Variants in CYP19A1 observed in about 807,000 individuals in gnomAD.
CYP19A1 encodes cytochrome P450 family 19 subfamily A member 1, also known as aromatase.
A neutral mutation model predicts 44.4 loss-of-function variants in CYP19A1; 32 were observed. That is an observed-to-expected ratio of 0.72 (90% CI 0.54 to 0.97). The LOEUF (loss-of-function observed/expected upper bound fraction) is 0.97, where lower values mean the gene tolerates loss of function less well. CYP19A1 is among the 50% of genes least tolerant of loss of function. The pLI, the probability that CYP19A1 is intolerant of heterozygous loss-of-function variation, is 0.00. For missense variants in CYP19A1, 598 were observed against 637.8 expected (o/e 0.94, Z 0.67); for synonymous variants, 212 against 215.6 (o/e 0.98, Z 0.14).
chr15:51,227,183 C>A (rs1227073569), intron 4 of CYP19A1, among the ~76,000 whole-genome samples: 1 of 152,070 alleles, frequency 6.6e-6, no homozygotes, highest in Non-Finnish European at 1.5e-5. Context: ...GGCTTCAGGG[C>A]TATATTCCGG....
intron 1 of CYP19A1, among the ~76,000 whole-genome samples, chr15:51,333,502 C>T (rs1000559437): frequency 2.0e-5 from 3 of 152,198 alleles, no homozygotes; most frequent in Non-Finnish European, 4.4e-5. Context: ...CATGTGTTTA[C>T]TCATACAGCT....
intron 1 of CYP19A1, among the ~76,000 whole-genome samples, chr15:51,305,643 C>G (rs1468385614): frequency 1.3e-5 from 2 of 152,170 alleles, no homozygotes; most frequent in Admixed American, 6.5e-5. Flanking sequence ...TTACTGCAAC[C>G]TCTGCCTCCT....
chr15:51,300,724 C>T (rs1002215608), intron 1 of CYP19A1, among the ~76,000 whole-genome samples: 2 of 152,204 alleles, frequency 1.3e-5, no homozygotes, highest in African/African-American at 2.4e-5. Flanking sequence ...ACAGCAAACA[C>T]GCTTGCCCCC....
rs982788089 is a variant in CYP19A1, at chr15:51,222,658, A to T, written c.452-133T>A. On this transcript the variant is annotated intron_variant, in intron 4 of 9. Coordinates refer to ENST00000396402, the MANE Select transcript of CYP19A1 (RefSeq NM_000103.4). The stretch of plus-strand genomic sequence containing the variant: ...TTAATAATTGGGTGGAAGTTTTCAT[A>T]ATATTTTCGTATGCTTTTCTGTGGT... The T allele has an allele frequency of 3.1e-5, 23 of 751,022 alleles. No individual in the cohort carries two copies. The Admixed American group carries it at 4.3e-4, about 14-fold the overall frequency. 46.5% of individuals were successfully genotyped at this position (751,022 alleles called of 1,614,324 possible).
chr15:51,334,685 C>T lies in CYP19A1; in HGVS notation c.-39+3810G>A, dbSNP rs117427422. Among the ~76,000 whole-genome samples the T allele has an allele frequency of 4.9e-4, 75 of 152,330 alleles. 1 individual carries two copies. In the East Asian group the frequency reaches 0.014, roughly 28 times the overall value. On this transcript the variant is annotated intron_variant, in intron 1 of 9. Transcript: ENST00000396402. ...AAAGATTTCTTTCTACAGCCTGTCA[C>T]GGTTACAATTTAAAGCCTACTAATG...
chr15:51,266,075 C>T (rs146688801), intron 1 of CYP19A1, among the ~76,000 whole-genome samples: 22 of 152,308 alleles, frequency 1.4e-4, no homozygotes, highest in Non-Finnish European at 3.1e-4. Flanking sequence ...CCCAAAGTCT[C>T]CCCAGCTGTG....
chr15:51,316,715 T>TAA (rs112693981), intron 1 of CYP19A1, among the ~76,000 whole-genome samples: 5 of 140,224 alleles, frequency 3.6e-5, no homozygotes, highest in African/African-American at 1.0e-4. Context: ...CTCTGTCTCT[T>TAA]AAAAAAAAAA....
Position 51,272,401 on chromosome 15 carries a change from AG to A in CYP19A1, c.-38-29452del, listed in dbSNP as rs532557043. 8.5e-5 allele frequency among the ~76,000 whole-genome samples: 13 copies of A among 152,356 alleles called. No homozygotes were observed. In the East Asian group the frequency reaches 2.5e-3, roughly 29 times the overall value. The stretch of plus-strand genomic sequence containing the variant: ...TAGCACCAGCATCTAGACCAGTGCC[AG>A]GTACATCGTTTGAGTGCAATAAAAT... On this transcript the variant is annotated intron_variant, in intron 1 of 9. Coordinates refer to ENST00000396402, the MANE Select transcript of CYP19A1 (RefSeq NM_000103.4).
intron 1 of CYP19A1, among the ~76,000 whole-genome samples, chr15:51,251,107 C>T (rs988069262): frequency 6.6e-6 from 1 of 152,174 alleles, no homozygotes; most frequent in Non-Finnish European, 1.5e-5. Flanking sequence ...AGCACTGAAA[C>T]TGCCTCGGGA....
chr15:51,266,843 T>C (rs2034938731), intron 1 of CYP19A1, among the ~76,000 whole-genome samples: 2 of 152,200 alleles, frequency 1.3e-5, no homozygotes, highest in Admixed American at 1.3e-4. Flanking sequence ...AGTCGTTGTC[T>C]GACTAGAGGA....
chr15:51,324,728 A>G (rs1434448254), intron 1 of CYP19A1, among the ~76,000 whole-genome samples: 2 of 152,284 alleles, frequency 1.3e-5, no homozygotes, highest in Non-Finnish European at 2.9e-5. Flanking sequence ...TGGAAGATGC[A>G]AATTTTAGAC....
intron 1 of CYP19A1, among the ~76,000 whole-genome samples, chr15:51,303,148 G>A (rs2036149032): frequency 6.6e-6 from 1 of 152,220 alleles, no homozygotes; most frequent in South Asian, 2.1e-4. Context: ...GCTGTTCCCA[G>A]GAGCCTTTGC....
intron 1 of CYP19A1, among the ~76,000 whole-genome samples, chr15:51,282,614 T>A (rs973771205): frequency 6.6e-6 from 1 of 152,252 alleles, no homozygotes; most frequent in Non-Finnish European, 1.5e-5. Flanking sequence ...TCTCTCAAAC[T>A]GTCTTTTCTC....
At chr15:51,279,062 A>G (rs2140968126) in intron 1 of CYP19A1, 1 of 152,306 alleles carries the variant, frequency 6.6e-6, no homozygotes, top group East Asian at 1.9e-4. Context: ...ACTCCATAAC[A>G]CACCTCCTTC....
At chr15:51,234,068 C>T (rs1334466301) in intron 3 of CYP19A1, among the ~76,000 whole-genome samples, 1 of 151,816 alleles carries the variant, frequency 6.6e-6, no homozygotes, top group African/African-American at 2.4e-5. Flanking sequence ...AGACCTCAAA[C>T]TTTTCAAAAG....
intron 1 of CYP19A1, among the ~76,000 whole-genome samples, chr15:51,271,944 A>G (rs558992339): frequency 2.0e-5 from 3 of 152,330 alleles, no homozygotes; most frequent in Admixed American, 6.5e-5. Flanking sequence ...TTATCTGTTC[A>G]CTACATCCAA....
chr15:51,334,722 G>C (rs2036750588), intron 1 of CYP19A1, among the ~76,000 whole-genome samples: 1 of 152,258 alleles, frequency 6.6e-6, no homozygotes, highest in Admixed American at 6.5e-5. Context: ...TGGAATGGCA[G>C]ATTCAGGTGG....
At position 51,258,669 on chromosome 15, in the gene CYP19A1, T is replaced by A. The variant is rs1056260799; in HGVS notation, c.-38-15719A>T. On this transcript the variant is annotated intron_variant, in intron 1 of 9. Transcript: ENST00000396402. ...CACATTCCTTCCCCCATCTATTCCC[T>A]CCCATCTCCAACCCCTGCGCCAGTC... Among the ~76,000 whole-genome samples the A allele has an allele frequency of 2.0e-5, 3 of 152,028 alleles. No individual in the cohort carries two copies. In the South Asian group the frequency reaches 6.2e-4, roughly 32 times the overall value.
intron 1 of CYP19A1, among the ~76,000 whole-genome samples, chr15:51,316,847 G>A (rs924154976): frequency 3.3e-5 from 5 of 152,194 alleles, no homozygotes; most frequent in Admixed American, 6.5e-5. Flanking sequence ...AAAGCTATAA[G>A]CAAAAGTGTC....
Sources: gnomAD v4.1 joint callset for allele counts (sites outside exome capture counted in the v4.1 genomes callset) on GRCh38, gnomAD v4.1.1 for gene constraint, MANE v1.5 for transcripts, NCBI Gene and HGNC (gene_info 2026-07-23, HGNC 2026-07-21) for gene names.